The following RYR2 variants were observed in gnomAD, a reference collection of about 807,000 sequenced individuals.
RYR2 encodes ryanodine receptor 2.
Under a neutral mutation model 601.1 loss-of-function variants are expected in RYR2, and 227 were observed. The observed-to-expected ratio is 0.38, with a 90% confidence interval of 0.34 to 0.42. The LOEUF is 0.42. Among genes scored for constraint, RYR2 ranks in the 10% least tolerant of loss-of-function variants. The probability of loss-of-function intolerance (pLI) is 1.00; values close to 1 mark genes in which losing one functional copy is unlikely to be tolerated. For synonymous variants in RYR2, 2,223 were observed against 2,175.1 expected (o/e 1.02, Z -0.61); for missense variants, 4,646 against 6,156.5 (o/e 0.75, Z 8.21).
In RYR2 at chr1:237,708,918, C is replaced by T. The variant is rs747933306; in HGVS notation, c.9962C>T (p.Pro3321Leu). Residue 3321 changes from proline to leucine, a missense_variant, in exon 69 of 105, where the codon CCG becomes CTG. Physicochemically the swap from Pro to Leu is moderately conservative, Grantham distance 98 (BLOSUM62 -3). Coordinates refer to ENST00000366574, the MANE Select transcript of RYR2 (RefSeq NM_001035.3). ...CAGCTCTTGAAAACTCATTTCTTGC[C>T]GTTAATGGAGAAACTCAAGAAAAAG... ...KPQLLKTHFL[P>L]LMEKLKKKAA... is the part of the protein sequence containing the mutation. The T allele has an allele frequency of 1.1e-5, 17 of 1,611,592 alleles. No individual in the cohort carries two copies. The highest frequency in any genetic ancestry group is 1.7e-5 in the Admixed American group (1 of 59,864).
chr1:237,121,505 TC>T (rs1194319934), intron 1 of RYR2, among the ~76,000 whole-genome samples: 7 of 152,212 alleles, frequency 4.6e-5, no homozygotes, highest in African/African-American at 1.7e-4. Context: ...AACGGTAAAC[TC>T]CAAATCAGTT....
chr1:237,700,591 T>TA, intron 65 of RYR2, 124 bp downstream of exon 65: 1 of 613,616 alleles, frequency 1.6e-6, no homozygotes, highest in East Asian at 2.8e-5. Flanking sequence ...ATGCCTTTTT[T>TA]ATTGCAAAAC....
intron 14 of RYR2, among the ~76,000 whole-genome samples, chr1:237,452,967 T>C (rs540365959): frequency 2.5e-4 from 38 of 152,056 alleles, no homozygotes; most frequent in Non-Finnish European, 4.7e-4. Context: ...TATTTCAATG[T>C]AATAACCTAA....
chr1:237,787,434 A>G (rs920771152), intron 91 of RYR2, among the ~76,000 whole-genome samples: 1 of 151,490 alleles, frequency 6.6e-6, no homozygotes. Flanking sequence ...CTAAAAATGT[A>G]AAAAAAAGTT....
At chr1:237,360,342 G>A (rs769004771) in intron 4 of RYR2, among the ~76,000 whole-genome samples, 1 of 152,122 alleles carries the variant, frequency 6.6e-6, no homozygotes, top group Non-Finnish European at 1.5e-5. Flanking sequence ...ATTCTCTATC[G>A]AGACAAGCTG....
At chr1:237,534,251 T>C (rs527832200) in intron 25 of RYR2, among the ~76,000 whole-genome samples, 4 of 152,040 alleles carry the variant, frequency 2.6e-5, no homozygotes, top group Admixed American at 6.5e-5. Flanking sequence ...ATATGGAGAA[T>C]TGAGAAAACA....
chr1:237,170,417 G>A (rs1008585943), intron 1 of RYR2, among the ~76,000 whole-genome samples: 2 of 152,162 alleles, frequency 1.3e-5, no homozygotes, highest in Admixed American at 1.3e-4. Context: ...TTCGGAATGA[G>A]GACTTGAACG....
rs1178557616 is a variant in RYR2 at position 237,819,541 on chromosome 1, G to T, written c.14590+349G>T. Reference sequence around the variant, plus strand: ...AACCCTTTAAACTTCTAAGCCAGCTGGGTGCGGTGGCTCATGCCTGTAATC... The same window carrying T: ...AACCCTTTAAACTTCTAAGCCAGCTTGGTGCGGTGGCTCATGCCTGTAATC... On this transcript the variant is annotated intron_variant, in intron 101 of 104. Transcript: ENST00000366574. The surrounding 1 kb of genome is among the most constrained non-coding windows in gnomAD (Gnocchi z 4.0). Among the ~76,000 whole-genome samples the T allele has an allele frequency of 1.3e-5, 2 of 152,140 alleles. No individual in the cohort carries two copies. Among genetic ancestry groups the T allele is most frequent in the East Asian group, 3.9e-4 (2 of 5,184 alleles).
chr1:237,568,165 A>T lies in RYR2; in HGVS notation c.3424-980A>T, dbSNP rs72769712. Among the ~76,000 whole-genome samples the T allele has an allele frequency of 3.5e-3, 537 of 152,198 alleles. 3 individuals carry two copies. Among genetic ancestry groups the T allele is most frequent in the Non-Finnish European group, 6.3e-3 (427 of 68,008 alleles). On this transcript the variant is annotated intron_variant, in intron 28 of 104. Transcript: ENST00000366574. ...GGATACTCCCGATTTGGGAACAGGCATGGGGTGGGTGGGGTAGGAAGGAGA... is the reference window on the plus strand; with the variant it reads ...GGATACTCCCGATTTGGGAACAGGCTTGGGGTGGGTGGGGTAGGAAGGAGA...
intron 25 of RYR2, among the ~76,000 whole-genome samples, chr1:237,542,970 G>A (rs1276954502): frequency 6.6e-6 from 1 of 152,126 alleles, no homozygotes; most frequent in African/African-American, 2.4e-5. Context: ...GTAGGCTCTG[G>A]AATTTTCAGC....
chr1:237,368,028 C>A (rs1268303649), intron 5 of RYR2, among the ~76,000 whole-genome samples: 2 of 151,920 alleles, frequency 1.3e-5, no homozygotes, highest in Non-Finnish European at 2.9e-5. Context: ...CATGTGTATA[C>A]CTAGGGCTGC....
At chr1:237,075,022 G>T (rs1255331094) in intron 1 of RYR2, among the ~76,000 whole-genome samples, 2 of 152,134 alleles carry the variant, frequency 1.3e-5, no homozygotes, top group Non-Finnish European at 2.9e-5. Context: ...GGCTGTGGGA[G>T]TCACCCCATG....
intron 48 of RYR2, 129 bp from the exon 49 acceptor site, chr1:237,648,315 A>T: frequency 1.3e-6 from 1 of 781,952 alleles, no homozygotes; most frequent in Non-Finnish European, 1.9e-6. Context: ...GCTTGAGGGT[A>T]GTCGAAGAAC....
At chr1:237,648,095 G>A (rs1401354869) in intron 48 of RYR2, among the ~76,000 whole-genome samples, 1 of 152,164 alleles carries the variant, frequency 6.6e-6, no homozygotes, top group Non-Finnish European at 1.5e-5. Flanking sequence ...TTAGAAAAGA[G>A]TGAACATCCC....
intron 1 of RYR2, among the ~76,000 whole-genome samples, chr1:237,102,770 G>A (rs1358605238): frequency 2.6e-5 from 4 of 152,218 alleles, no homozygotes; most frequent in Non-Finnish European, 4.4e-5. Flanking sequence ...CAGGAGAATC[G>A]CTTGAACCTG....
At chr1:237,695,254 G>A (rs1687315841) in intron 63 of RYR2, among the ~76,000 whole-genome samples, 1 of 152,116 alleles carries the variant, frequency 6.6e-6, no homozygotes, top group African/African-American at 2.4e-5. Flanking sequence ...AAAACCCAAT[G>A]TTGTCCCTAT....
chr1:237,812,761 C>G (rs1417688926), intron 100 of RYR2, among the ~76,000 whole-genome samples: 1 of 152,118 alleles, frequency 6.6e-6, no homozygotes, highest in African/African-American at 2.4e-5. Flanking sequence ...ATTCATGCAC[C>G]TTGCCTGGAG....
At chr1:237,569,543 G>A (rs1425011315) in intron 29 of RYR2, among the ~76,000 whole-genome samples, 4 of 152,114 alleles carry the variant, frequency 2.6e-5, no homozygotes, top group East Asian at 1.9e-4. Context: ...AGGCTGAAAT[G>A]GCTTTTATGA....
intron 1 of RYR2, among the ~76,000 whole-genome samples, chr1:237,051,319 TCCCTC>T (rs1229230949): frequency 1.6e-5 from 2 of 123,666 alleles, no homozygotes; most frequent in African/African-American, 3.1e-5. Context: ...TTTATCTCTC[TCCCTC>T]CCCTCCCCTC....
Sources: allele counts gnomAD v4.1 joint callset (sites outside exome capture counted in the v4.1 genomes callset), GRCh38; gene constraint gnomAD v4.1.1; non-coding constraint Gnocchi (gnomAD v3.1); transcripts MANE v1.5; gene names NCBI Gene and HGNC (gene_info 2026-07-23, HGNC 2026-07-21).